ZNF462: variants seen among roughly 807,000 people sequenced by gnomAD.
ZNF462 encodes the protein zinc finger PBX1-interacting protein.
ZNF462 carries 10 observed loss-of-function variants against 201.9 expected under a neutral mutation model. The ratio of observed to expected loss-of-function variants is 0.05; its 90% confidence interval spans 0.03 to 0.08. ZNF462 has a LOEUF of 0.08. Ranked by LOEUF, ZNF462 falls within the 10% of genes least tolerant of loss-of-function variation. The pLI is 1.00. For synonymous variants in ZNF462, 1,227 were observed against 1,193.3 expected (o/e 1.03, Z -0.58); for missense variants, 2,523 against 3,168.3 (o/e 0.80, Z 4.89).
At chr9:106,995,049 C>G (rs1828600758) in intron 10 of ZNF462, among the ~76,000 whole-genome samples, 1 of 152,056 alleles carries the variant, frequency 6.6e-6, no homozygotes, top group South Asian at 2.1e-4. Context: ...GTGGTAGCAT[C>G]CATTAGCATC....
chr9:107,001,898 T>C (rs1171869671), intron 10 of ZNF462, among the ~76,000 whole-genome samples: 3 of 152,140 alleles, frequency 2.0e-5, no homozygotes, highest in Non-Finnish European at 4.4e-5. Flanking sequence ...GTGTATTGTT[T>C]CTCCTGTTTT....
rs887647285 is a variant in ZNF462, at chr9:107,010,438, A to C, written c.7314-385A>C. Among the ~76,000 whole-genome samples the C allele has an allele frequency of 3.3e-5, 5 of 152,176 alleles. No individual in the cohort carries two copies. The highest frequency in any genetic ancestry group is 1.2e-4 in the African/African-American group (5 of 41,452). On this transcript the variant is annotated intron_variant, in intron 12 of 12. Transcript: ENST00000277225. The surrounding 1 kb of genome is among the most constrained non-coding windows in gnomAD (Gnocchi z 4.6). ...TCTTTTAGACTTCATAAATATAACC[A>C]ATCTCCAAGCTTCTGGGTTCAGCCG...
At chr9:106,909,326 T>G (rs1829444984) in intron 1 of ZNF462, among the ~76,000 whole-genome samples, 1 of 152,086 alleles carries the variant, frequency 6.6e-6, no homozygotes, top group African/African-American at 2.4e-5. Flanking sequence ...TTCTACATAC[T>G]TTTATAGTTA....
At position 106,913,985 on chromosome 9, in the gene ZNF462, G is replaced by A. The variant is rs1203069960; in HGVS notation, c.-30-9369G>A. ...CTGTGCAAAGGTGGATACAAAGGCC[G>A]TATCACTAGGAAAGACAGACCAGTC... On this transcript the variant is annotated intron_variant, in intron 1 of 12. Coordinates refer to ENST00000277225, the MANE Select transcript of ZNF462 (RefSeq NM_021224.6). The surrounding 1 kb of genome is among the most constrained non-coding windows in gnomAD (Gnocchi z 4.1). Among the ~76,000 whole-genome samples the A allele has an allele frequency of 6.7e-6, 1 of 149,128 alleles. No homozygotes were observed. Among genetic ancestry groups the A allele is most frequent in the Non-Finnish European group, 1.5e-5 (1 of 67,262 alleles).
intron 10 of ZNF462, among the ~76,000 whole-genome samples, chr9:106,996,138 C>A (rs1260072788): frequency 6.6e-6 from 1 of 152,202 alleles, no homozygotes; most frequent in Non-Finnish European, 1.5e-5. Flanking sequence ...CTACAAAGGA[C>A]ATGAACTCAT....
intron 1 of ZNF462, among the ~76,000 whole-genome samples, chr9:106,909,680 A>G (rs1829461114): frequency 6.6e-6 from 1 of 152,132 alleles, no homozygotes; most frequent in African/African-American, 2.4e-5. Flanking sequence ...ACACAGCTTC[A>G]CTTTTTTTCT....
chr9:106,939,416 G>A (rs992657623), intron 7 of ZNF462, among the ~76,000 whole-genome samples: 3 of 152,172 alleles, frequency 2.0e-5, no homozygotes, highest in African/African-American at 4.8e-5. Flanking sequence ...GCAAGAAAGC[G>A]AATACAGTAC....
rs1166599352 is a variant in ZNF462, at chr9:106,954,500, CT to C, written c.6427+15394del. Reference sequence around the variant, plus strand: ...GGACACAGAACCAAACCATATCAGCCTGTTTAAAAGAGGAAAAAAAAAAAAA... The same window carrying C: ...GGACACAGAACCAAACCATATCAGCCGTTTAAAAGAGGAAAAAAAAAAAAA... On this transcript the variant is annotated intron_variant, in intron 7 of 12. Transcript: ENST00000277225. The surrounding 1 kb of genome is among the most constrained non-coding windows in gnomAD (Gnocchi z 4.0). Among the ~76,000 whole-genome samples, 2 of 151,210 alleles carry C rather than the reference CT, an allele frequency of 1.3e-5. No individual in the cohort carries two copies. Among genetic ancestry groups the C allele is most frequent in the Non-Finnish European group, 2.9e-5 (2 of 67,856 alleles).
Position 107,010,802 on chromosome 9 carries a change from C to A in ZNF462, c.7314-21C>A. The A allele has an allele frequency of 6.2e-7, 1 of 1,602,004 alleles. No individual in the cohort carries two copies. Among genetic ancestry groups the A allele is most frequent in the South Asian group, 1.1e-5 (1 of 89,498 alleles). ...ATATATATACTATACTCATCTGTCT[C>A]TTCGATAAATGTTTTTCCAGGGCAT... is the stretch of plus-strand genomic sequence containing the variant. On this transcript the variant is annotated intron_variant, in intron 12 of 12. Transcript: ENST00000277225. The surrounding 1 kb of genome is among the most constrained non-coding windows in gnomAD (Gnocchi z 4.6).
At chr9:106,961,042 C>T (rs528487400) in intron 7 of ZNF462, among the ~76,000 whole-genome samples, 1 of 152,108 alleles carries the variant, frequency 6.6e-6, no homozygotes, top group African/African-American at 2.4e-5. Context: ...CCATGAATAC[C>T]TTCTCACAGA....
Position 106,897,503 on chromosome 9 carries a change from A to T in ZNF462, c.-30-25851A>T, listed in dbSNP as rs1459734546. Reference sequence around the variant, plus strand: ...CTTACTTTTTTTTTTTAGTAATTCCATGGAAATAAACTATTTGGAGACCAG... The same window carrying T: ...CTTACTTTTTTTTTTTAGTAATTCCTTGGAAATAAACTATTTGGAGACCAG... On this transcript the variant is annotated intron_variant, in intron 1 of 12. Transcript: ENST00000277225. Among the ~76,000 whole-genome samples, 3 of 151,792 alleles carry T rather than the reference A, an allele frequency of 2.0e-5. No homozygotes were observed. In the East Asian group the frequency reaches 5.8e-4, roughly 29 times the overall value.
In ZNF462 at chr9:107,011,293, C is replaced by G. The variant is rs563289572; in HGVS notation, c.*263C>G. On this transcript the variant is annotated 3_prime_UTR_variant, in exon 13 of 13. Transcript: ENST00000277225. This position sits in a 1 kb window ranked among gnomAD's most constrained non-coding sequence, Gnocchi z 5.6. The stretch of plus-strand genomic sequence containing the variant: ...TTCATCATGGAAGTTTCATTTGTTG[C>G]GGAATATGGAAGCACCTCCCAATGG... 3 of 422,070 alleles carry G rather than the reference C, an allele frequency of 7.1e-6. No individual in the cohort carries two copies. The highest frequency in any genetic ancestry group is 4.0e-5 in the African/African-American group (2 of 49,392). The allele number at this position is 422,070 out of a possible 1,614,324, so 26.1% of individuals were successfully genotyped here. A position where few individuals can be genotyped will look rare whatever the true frequency, so the allele number is the denominator to read the frequency against.
intron 1 of ZNF462, among the ~76,000 whole-genome samples, chr9:106,909,711 A>C (rs943375450): frequency 9.2e-5 from 14 of 152,182 alleles, no homozygotes; most frequent in Non-Finnish European, 2.1e-4. Flanking sequence ...GTTACTGTGA[A>C]AAAGTCAGAG....
chr9:106,884,709 C>T (rs1418321230), intron 1 of ZNF462, among the ~76,000 whole-genome samples: 1 of 151,950 alleles, frequency 6.6e-6, no homozygotes, highest in Non-Finnish European at 1.5e-5. Flanking sequence ...GTGAATTCAC[C>T]CAAGTACATT....
In ZNF462 at chr9:106,870,215, G is replaced by C. The variant is rs1827529210; in HGVS notation, c.-31+6860G>C. Among the ~76,000 whole-genome samples the C allele has an allele frequency of 6.6e-6, 1 of 152,170 alleles. No homozygotes were observed. On this transcript the variant is annotated intron_variant, in intron 1 of 12. Transcript: ENST00000277225. The surrounding 1 kb of genome is among the most constrained non-coding windows in gnomAD (Gnocchi z 4.3). Reference sequence around the variant, plus strand: ...ACAAATGCATTGCCTTTTACTTCTGGTGAGCACATTACTTGGTGTCTTCAA... The same window carrying C: ...ACAAATGCATTGCCTTTTACTTCTGCTGAGCACATTACTTGGTGTCTTCAA...
At chr9:106,864,644 G>A (rs1269020529) in intron 1 of ZNF462, among the ~76,000 whole-genome samples, 1 of 152,108 alleles carries the variant, frequency 6.6e-6, no homozygotes, top group Admixed American at 6.5e-5. Flanking sequence ...AGAGAGGGAG[G>A]GAGGGAGGCT....
intron 7 of ZNF462, among the ~76,000 whole-genome samples, chr9:106,957,740 TAAAAC>T (rs1831644566): frequency 6.6e-6 from 1 of 152,170 alleles, no homozygotes; most frequent in African/African-American, 2.4e-5. Context: ...AAATGGATGT[TAAAAC>T]TAAGAGTAAA....
In ZNF462 at chr9:107,010,003, A is replaced by T. The variant is rs1829832359; in HGVS notation, c.7313+335A>T. Among the ~76,000 whole-genome samples the T allele has an allele frequency of 6.6e-6, 1 of 152,162 alleles. No homozygotes were observed. Among genetic ancestry groups the T allele is most frequent in the African/African-American group, 2.4e-5 (1 of 41,438 alleles). ...TATAATAGAACGTGAATCGAGGTCA[A>T]AAGATCTGGCTTCTGTTCCTGCCTC... On this transcript the variant is annotated intron_variant, in intron 12 of 12. Coordinates refer to ENST00000277225, the MANE Select transcript of ZNF462 (RefSeq NM_021224.6). This position sits in a 1 kb window ranked among gnomAD's most constrained non-coding sequence, Gnocchi z 4.6.
At position 106,932,733 on chromosome 9, in the gene ZNF462, G is replaced by T. The variant is rs1830474541; in HGVS notation, c.6116+184G>T. 1 of 712,988 alleles carries T rather than the reference G, an allele frequency of 1.4e-6. No homozygotes were observed. Among genetic ancestry groups the T allele is most frequent in the Admixed American group, 2.9e-5 (1 of 34,270 alleles). The allele number at this position is 712,988 out of a possible 1,614,324, so 44.2% of individuals were successfully genotyped here. ...GGGGCTGAGAACAGGAGATTGATCG[G>T]ATGGCGTTAGATTTGGCAAATGCAG... is the stretch of plus-strand genomic sequence containing the variant. On this transcript the variant is annotated intron_variant, in intron 5 of 12. Transcript: ENST00000277225. The surrounding 1 kb of genome is among the most constrained non-coding windows in gnomAD (Gnocchi z 6.8).
Sources: allele counts gnomAD v4.1 joint callset (sites outside exome capture counted in the v4.1 genomes callset), GRCh38; gene constraint gnomAD v4.1.1; non-coding constraint Gnocchi (gnomAD v3.1); transcripts MANE v1.5; gene names NCBI Gene and HGNC (gene_info 2026-07-23, HGNC 2026-07-21).